The following UNC5D variants were observed in gnomAD, a reference collection of about 807,000 sequenced individuals.
UNC5D encodes the protein netrin receptor UNC5D.
Under a neutral mutation model 105.4 loss-of-function variants are expected in UNC5D, and 39 were observed. That is an observed-to-expected ratio of 0.37 (90% CI 0.29 to 0.48). The LOEUF is 0.48. Ranked by LOEUF, UNC5D falls within the 20% of genes least tolerant of loss-of-function variation. The pLI is 0.98. For synonymous variants in UNC5D, 452 were observed against 450.4 expected (o/e 1.00, Z -0.04); for missense variants, 991 against 1,202.4 (o/e 0.82, Z 2.60).
At chr8:35,387,980 G>A (rs1803515237) in intron 1 of UNC5D, among the ~76,000 whole-genome samples, 1 of 152,134 alleles carries the variant, frequency 6.6e-6, no homozygotes, top group South Asian at 2.1e-4. Flanking sequence ...TTCCCAAAGA[G>A]CAGGACACTC....
chr8:35,784,891 G>T (rs550553705), intron 16 of UNC5D, among the ~76,000 whole-genome samples: 1 of 151,996 alleles, frequency 6.6e-6, no homozygotes, highest in African/African-American at 2.4e-5. Flanking sequence ...ATAACAAAAG[G>T]TTCCCTGGAG....
chr8:35,537,718 ATAAG>A lies in UNC5D; in HGVS notation c.104-11570_104-11567del, dbSNP rs1463915976. On this transcript the variant is annotated intron_variant, in intron 1 of 16. Coordinates refer to ENST00000404895, the MANE Select transcript of UNC5D (RefSeq NM_080872.4). ...TAAATAAATAAAAATAAAATAATAAATAAGTAAATATTTTATTTATACATATAAT... is the reference window on the plus strand; with the variant it reads ...TAAATAAATAAAAATAAAATAATAAATAAATATTTTATTTATACATATAAT... Among the ~76,000 whole-genome samples, 15 of 150,128 alleles carry A rather than the reference ATAAG, an allele frequency of 1.0e-4. No individual in the cohort carries two copies. The East Asian group carries it at 1.4e-3, about 14-fold the overall frequency.
intron 1 of UNC5D, among the ~76,000 whole-genome samples, chr8:35,486,627 A>G (rs1214128781): frequency 6.6e-6 from 1 of 152,138 alleles, no homozygotes; most frequent in Non-Finnish European, 1.5e-5. Flanking sequence ...CAGACTGTCT[A>G]TGATTTGTCA....
At chr8:35,755,906 T>A (rs1428568543) in intron 13 of UNC5D, among the ~76,000 whole-genome samples, 1 of 152,144 alleles carries the variant, frequency 6.6e-6, no homozygotes, top group African/African-American at 2.4e-5. Context: ...TATGAGTGAT[T>A]TAGAACTAGC....
intron 2 of UNC5D, among the ~76,000 whole-genome samples, chr8:35,555,013 C>A (rs6995309): frequency 0.23 from 34,584 of 152,082 alleles, 6,065 homozygotes; most frequent in African/African-American, 0.48. Flanking sequence ...GAATGTTGCT[C>A]TGCTGGTAAT....
intron 16 of UNC5D, among the ~76,000 whole-genome samples, chr8:35,777,686 A>G (rs1802317160): frequency 6.6e-6 from 1 of 152,238 alleles, no homozygotes; most frequent in Non-Finnish European, 1.5e-5. Context: ...GTCTGTAAAC[A>G]AATAGATATG....
intron 1 of UNC5D, among the ~76,000 whole-genome samples, chr8:35,400,062 A>G (rs1276075295): frequency 2.0e-5 from 3 of 152,128 alleles, no homozygotes; most frequent in Non-Finnish European, 4.4e-5. Flanking sequence ...TGTGATCATG[A>G]AAAGTCAACC....
chr8:35,498,525 G>A (rs1229989098), intron 1 of UNC5D, among the ~76,000 whole-genome samples: 2 of 152,140 alleles, frequency 1.3e-5, no homozygotes, highest in Non-Finnish European at 1.5e-5. Context: ...GCATTGTGGA[G>A]GAGTGGGATC....
At chr8:35,510,232 G>A (rs1029655129) in intron 1 of UNC5D, among the ~76,000 whole-genome samples, 1 of 149,210 alleles carries the variant, frequency 6.7e-6, no homozygotes, top group African/African-American at 2.5e-5. Flanking sequence ...TGAAGCCTTG[G>A]TCTTGGTCTT....
intron 4 of UNC5D, among the ~76,000 whole-genome samples, chr8:35,625,597 G>T (rs1297970590): frequency 1.3e-5 from 2 of 152,132 alleles, no homozygotes; most frequent in African/African-American, 2.4e-5. Flanking sequence ...ACAATGTGCT[G>T]CTTGCTGAAG....
chr8:35,782,438 T>G (rs553155703), intron 16 of UNC5D, among the ~76,000 whole-genome samples: 1 of 152,296 alleles, frequency 6.6e-6, no homozygotes, highest in Admixed American at 6.5e-5. Flanking sequence ...GTAATGATGT[T>G]TTCCAGTTTA....
At chr8:35,410,807 A>G (rs189902354) in intron 1 of UNC5D, among the ~76,000 whole-genome samples, 18 of 152,132 alleles carry the variant, frequency 1.2e-4, no homozygotes, top group African/African-American at 4.3e-4. Flanking sequence ...TGGAGCCCCC[A>G]TCTTCTGATT....
At chr8:35,461,181 A>C (rs748640934) in intron 1 of UNC5D, among the ~76,000 whole-genome samples, 1 of 152,194 alleles carries the variant, frequency 6.6e-6, no homozygotes, top group African/African-American at 2.4e-5. Context: ...CAGAGCTCAT[A>C]GTCTTTCCCA....
intron 1 of UNC5D, among the ~76,000 whole-genome samples, chr8:35,293,837 G>A (rs941894840): frequency 6.6e-6 from 1 of 152,066 alleles, no homozygotes; most frequent in African/African-American, 2.4e-5. Context: ...CTCTCCATAG[G>A]GTACCATGTG....
At chr8:35,784,903 C>T (rs1802674767) in intron 16 of UNC5D, among the ~76,000 whole-genome samples, 1 of 152,044 alleles carries the variant, frequency 6.6e-6, no homozygotes, top group Non-Finnish European at 1.5e-5. Flanking sequence ...TCCCTGGAGT[C>T]AATGCATAAA....
At chr8:35,520,066 AT>A (rs1813360081) in intron 1 of UNC5D, among the ~76,000 whole-genome samples, 1 of 152,064 alleles carries the variant, frequency 6.6e-6, no homozygotes, top group African/African-American at 2.4e-5. Flanking sequence ...CACCTAGGTT[AT>A]ACTCTACCCA....
intron 1 of UNC5D, among the ~76,000 whole-genome samples, chr8:35,395,124 G>A (rs972321566): frequency 6.6e-6 from 1 of 152,190 alleles, no homozygotes; most frequent in African/African-American, 2.4e-5. Context: ...AAATTACATG[G>A]ATAATGTGTG....
intron 1 of UNC5D, among the ~76,000 whole-genome samples, chr8:35,400,456 G>A (rs1289608256): frequency 6.6e-6 from 1 of 152,010 alleles, no homozygotes; most frequent in Non-Finnish European, 1.5e-5. Flanking sequence ...AACAATTGAA[G>A]CAAAATTTTG....
chr8:35,592,196 G>C (rs1021052335), intron 3 of UNC5D, among the ~76,000 whole-genome samples: 7 of 152,060 alleles, frequency 4.6e-5, no homozygotes, highest in Non-Finnish European at 1.0e-4. Context: ...GCGGTTTCTT[G>C]ATCTCAGATG....
Sources: allele counts gnomAD v4.1 joint callset (sites outside exome capture counted in the v4.1 genomes callset), GRCh38; gene constraint gnomAD v4.1.1; transcripts MANE v1.5; gene names NCBI Gene and HGNC (gene_info 2026-07-23, HGNC 2026-07-21).